PLA2G4E: variants seen among roughly 807,000 people sequenced by gnomAD.
The protein encoded by PLA2G4E is phospholipase A2 group IVE, also known as cytosolic phospholipase A2 epsilon.
A neutral mutation model predicts 109.1 loss-of-function variants in PLA2G4E; 84 were observed. The ratio of observed to expected loss-of-function variants is 0.77; its 90% CI spans 0.65 to 0.92. PLA2G4E has a LOEUF of 0.92. Ranked by LOEUF, PLA2G4E falls within the 40% of genes least tolerant of loss-of-function variation. The pLI is 0.00. For synonymous variants in PLA2G4E, 469 were observed against 436.1 expected (o/e 1.08, Z -0.94); for missense variants, 1,057 against 1,076.6 (o/e 0.98, Z 0.25).
rs114542953 is a variant in PLA2G4E at position 41,984,859 on chromosome 15, T to C, written c.2203-240A>G. On this transcript the variant is annotated intron_variant, in intron 18 of 19. Transcript: ENST00000399518. ...AGTAAAATGGACAAAAGCCCTTTCG[T>C]TGGTGTTCGCATCCAAACACAGACT... is the stretch of plus-strand genomic sequence containing the variant. 1.7e-3 allele frequency among the ~76,000 whole-genome samples: 265 copies of C among 152,324 alleles called. 9 individuals are homozygous for C. The East Asian group carries it at 0.045, about 26-fold the overall frequency.
chr15:42,036,932 C>T (rs1012169980), intron 1 of PLA2G4E, among the ~76,000 whole-genome samples: 1 of 152,318 alleles, frequency 6.6e-6, no homozygotes, highest in Non-Finnish European at 1.5e-5. Flanking sequence ...CCGCTGCCGG[C>T]GCCCACTCCG....
chr15:41,991,984 G>C (rs2068256541), intron 13 of PLA2G4E, among the ~76,000 whole-genome samples: 1 of 152,198 alleles, frequency 6.6e-6, no homozygotes, highest in East Asian at 1.9e-4. Flanking sequence ...ATGTGTCCAG[G>C]AAAAGGACCA....
intron 3 of PLA2G4E, 108 bp from the exon 4 acceptor site, chr15:42,006,229 G>A (rs2068475719): frequency 7.1e-7 from 1 of 1,408,506 alleles, no homozygotes; most frequent in Admixed American, 1.9e-5. Context: ...CTGGGGGATG[G>A]GAGACAGCCC....
chr15:42,027,968 T>C (rs1204513943), intron 1 of PLA2G4E, among the ~76,000 whole-genome samples: 3 of 152,240 alleles, frequency 2.0e-5, no homozygotes, highest in East Asian at 1.9e-4. Context: ...CTTTTTGCCT[T>C]TTTCCACCAG....
chr15:41,999,672 C>G, intron 9 of PLA2G4E, 111 bp from the exon 10 acceptor site: 1 of 1,328,722 alleles, frequency 7.5e-7, no homozygotes, highest in Non-Finnish European at 1.0e-6. Context: ...CACACACAGG[C>G]GCTCCATCCC....
intron 5 of PLA2G4E, among the ~76,000 whole-genome samples, chr15:42,003,906 CTTCCTTCCT>C (rs2068446857): frequency 6.6e-6 from 1 of 150,940 alleles, no homozygotes; most frequent in Non-Finnish European, 1.5e-5. Context: ...CCTTGCTTTC[CTTCCTTCCT>C]TTCCTTCCTA....
At chr15:42,009,519 C>T (rs2068511126) in intron 2 of PLA2G4E, among the ~76,000 whole-genome samples, 1 of 152,178 alleles carries the variant, frequency 6.6e-6, no homozygotes, top group African/African-American at 2.4e-5. Flanking sequence ...CCTCCAGGGG[C>T]TCCCTTCTGC....
intron 2 of PLA2G4E, 63 bp from the exon 3 acceptor site, chr15:42,007,928 A>G: frequency 6.6e-7 from 1 of 1,521,528 alleles, no homozygotes; most frequent in Non-Finnish European, 8.9e-7. Flanking sequence ...GTCAAAAGGG[A>G]ACTTCAGGCA....
chr15:41,993,078 C>G, intron 12 of PLA2G4E, 119 bp from the exon 13 acceptor site: 2 of 845,172 alleles, frequency 2.4e-6, no homozygotes, highest in Non-Finnish European at 3.6e-6. Flanking sequence ...AGGAGGGGAA[C>G]CTGGAGAGTA....
At position 42,004,005 on chromosome 15, in the gene PLA2G4E, G is replaced by A. The variant is rs531403302; in HGVS notation, c.566+933C>T. 3.9e-5 allele frequency among the ~76,000 whole-genome samples: 6 copies of A among 152,018 alleles called. No individual in the cohort carries two copies. The South Asian group carries it at 8.3e-4, about 21-fold the overall frequency. On this transcript the variant is annotated intron_variant, in intron 5 of 19. Transcript: ENST00000399518. ...AGTCATGTCTCCAGGATCCTGGATC[G>A]TTTTCCTAATTGAAAATGATTTGGG...
chr15:42,015,595 A>G (rs71474412), intron 1 of PLA2G4E, among the ~76,000 whole-genome samples: 21,500 of 152,236 alleles, frequency 0.14, 2,015 homozygotes, highest in South Asian at 0.2. Flanking sequence ...GCCAGGCCCT[A>G]TGCTAGATGC....
chr15:41,992,446 C>T lies in PLA2G4E; in HGVS notation c.1470+291G>A, dbSNP rs183517661. ...CTCCAGTCTTCCCCGGCTTCCTCCC[C>T]GTTTTTCCCTCACAGGTGTCTTGGC... On this transcript the variant is annotated intron_variant, in intron 13 of 19. Coordinates refer to ENST00000399518, the Ensembl canonical transcript of PLA2G4E. Among the ~76,000 whole-genome samples, 198 of 152,346 alleles carry T rather than the reference C, an allele frequency of 1.3e-3. 1 individual carries two copies. The highest frequency in any genetic ancestry group is 2.1e-3 in the Non-Finnish European group (143 of 68,032).
intron 1 of PLA2G4E, among the ~76,000 whole-genome samples, chr15:42,046,661 T>G (rs773027784): frequency 1.3e-5 from 2 of 152,242 alleles, no homozygotes; most frequent in Non-Finnish European, 2.9e-5. Flanking sequence ...TCGTGAGAGC[T>G]GGATCTTGTC....
chr15:42,010,132 GC>G lies in PLA2G4E; in HGVS notation c.257-2268del, dbSNP rs202221046. 5.4e-5 allele frequency: 23 copies of G among 428,736 alleles called. 1 individual carries two copies. The highest frequency in any genetic ancestry group is 3.3e-4 in the Admixed American group (15 of 45,310). 26.6% of individuals were successfully genotyped at this position (428,736 alleles called of 1,614,324 possible). On this transcript the variant is annotated intron_variant, in intron 2 of 19. Transcript: ENST00000399518. ...TTCCCTTGGCTTTTCCAGAACACTG[GC>G]CCCCCCACCCCGGGCCTGGACCACA...
exon 20 of PLA2G4E, chr15:41,981,716 T>C (rs1056548726): frequency 1.3e-5 from 2 of 152,364 alleles, no homozygotes; most frequent in African/African-American, 4.8e-5. Flanking sequence ...GTTGCTTGGC[T>C]CACTCTTTGA....
At chr15:41,991,860 G>A (rs1411192308) in intron 13 of PLA2G4E, among the ~76,000 whole-genome samples, 1 of 152,170 alleles carries the variant, frequency 6.6e-6, no homozygotes, top group Non-Finnish European at 1.5e-5. Context: ...CTGGGGCCAG[G>A]CAACAACAAA....
chr15:41,993,328 G>T (rs2068282553), intron 12 of PLA2G4E, among the ~76,000 whole-genome samples: 1 of 152,100 alleles, frequency 6.6e-6, no homozygotes, highest in Non-Finnish European at 1.5e-5. Context: ...TGTGGAATGG[G>T]GAGAATTACA....
At chr15:42,035,706 T>G (rs1252789296) in intron 1 of PLA2G4E, among the ~76,000 whole-genome samples, 3 of 152,152 alleles carry the variant, frequency 2.0e-5, no homozygotes, top group Non-Finnish European at 4.4e-5. Flanking sequence ...GGGAAGTGAT[T>G]GGGTAAGGAG....
intron 11 of PLA2G4E, 130 bp downstream of exon 11, chr15:41,996,994 G>T: frequency 9.2e-6 from 11 of 1,194,198 alleles, no homozygotes; most frequent in Non-Finnish European, 1.2e-5. Context: ...TCACCAGGGC[G>T]CCTGTACCTC....
Sources: gnomAD v4.1 joint callset for allele counts (sites outside exome capture counted in the v4.1 genomes callset) on GRCh38, gnomAD v4.1.1 for gene constraint, MANE v1.5 for transcripts, NCBI Gene and HGNC (gene_info 2026-07-23, HGNC 2026-07-21) for gene names.